Variants in FOCAD observed in about 807,000 individuals in gnomAD.
The protein encoded by FOCAD is focadhesin.
A neutral mutation model predicts 225.6 loss-of-function variants in FOCAD; 198 were observed. That is an observed-to-expected ratio of 0.88 (90% CI 0.78 to 0.99). The LOEUF (loss-of-function observed/expected upper bound fraction) is 0.99. Ranked by LOEUF, FOCAD falls within the 50% of genes least tolerant of loss-of-function variation. The probability of loss-of-function intolerance (pLI) is 0.00; values close to 1 mark genes in which losing one functional copy is unlikely to be tolerated. For synonymous variants in FOCAD, 897 were observed against 755.0 expected (o/e 1.19, Z -3.08); for missense variants, 2,713 against 2,123.6 (o/e 1.28, Z -5.46).
At chr9:20,893,528 G>C (rs1267592272) in intron 21 of FOCAD, among the ~76,000 whole-genome samples, 3 of 152,030 alleles carry the variant, frequency 2.0e-5, no homozygotes, top group Non-Finnish European at 4.4e-5. Context: ...TGTACTGTTT[G>C]TGTTGTTATT....
At position 20,778,890 on chromosome 9, in the gene FOCAD, T is replaced by G. The variant is rs375480321; in HGVS notation, c.994+122T>G. 283 of 503,254 alleles carry G rather than the reference T, an allele frequency of 5.6e-4. 10 individuals carry two copies. The South Asian group carries it at 0.012, about 21-fold the overall frequency. 31.2% of individuals were successfully genotyped at this position (503,254 alleles called of 1,614,324 possible). ...GAGTTTCCATCTGTAATTTTTAAAA[T>G]TATTAAATAGAATTTTTTTTCTTGT... On this transcript the variant is annotated intron_variant, in intron 9 of 43. Coordinates refer to ENST00000338382, the MANE Select transcript of FOCAD (RefSeq NM_001375567.1).
At chr9:20,840,145 C>G (rs1826374612) in intron 15 of FOCAD, among the ~76,000 whole-genome samples, 2 of 151,990 alleles carry the variant, frequency 1.3e-5, no homozygotes, top group African/African-American at 4.8e-5. Context: ...TATTCTGGGT[C>G]TTTCATGGTT....
intron 15 of FOCAD, among the ~76,000 whole-genome samples, chr9:20,858,109 A>C (rs1174532971): frequency 6.6e-6 from 1 of 152,040 alleles, no homozygotes; most frequent in Non-Finnish European, 1.5e-5. Context: ...GCCTCATAGA[A>C]TGAATTTGGA....
chr9:20,707,599 A>G (rs1170719232), intron 1 of FOCAD, among the ~76,000 whole-genome samples: 1 of 152,200 alleles, frequency 6.6e-6, no homozygotes, highest in Non-Finnish European at 1.5e-5. Flanking sequence ...AAATTAAGAA[A>G]ATCATAAAGA....
At chr9:20,909,396 C>G (rs977449284) in intron 22 of FOCAD, among the ~76,000 whole-genome samples, 2 of 152,036 alleles carry the variant, frequency 1.3e-5, no homozygotes, top group African/African-American at 4.8e-5. Context: ...GCGTTTTCCA[C>G]TGTGACATGT....
At chr9:20,933,619 A>G (rs1835690808) in intron 28 of FOCAD, among the ~76,000 whole-genome samples, 1 of 151,806 alleles carries the variant, frequency 6.6e-6, no homozygotes, top group Admixed American at 6.6e-5. Context: ...TCATTGATTG[A>G]TGGGTATTTG....
intron 15 of FOCAD, among the ~76,000 whole-genome samples, chr9:20,829,498 A>G (rs920198469): frequency 2.0e-5 from 3 of 152,054 alleles, no homozygotes; most frequent in Admixed American, 6.6e-5. Context: ...CCCGATGACT[A>G]ATATTGAGCA....
At chr9:20,770,280 A>C in intron 8 of FOCAD, 42 bp downstream of exon 8, 1 of 1,518,610 alleles carries the variant, frequency 6.6e-7, no homozygotes. Context: ...CATTGCTATT[A>C]AGAAATACCT....
At chr9:20,680,001 A>G (rs1167951923), upstream of FOCAD, among the ~76,000 whole-genome samples, 4 of 152,278 alleles carry the variant, frequency 2.6e-5, no homozygotes, top group East Asian at 7.7e-4. Flanking sequence ...GAGAGCTACA[A>G]ACATCTGCAT....
At chr9:20,781,487 A>G (rs890076363) in intron 9 of FOCAD, among the ~76,000 whole-genome samples, 5 of 137,328 alleles carry the variant, frequency 3.6e-5, no homozygotes, top group Admixed American at 1.4e-4. Context: ...AAAAATTCAT[A>G]TTAACCTAAA....
chr9:20,882,298 A>T (rs1015535185), intron 20 of FOCAD, among the ~76,000 whole-genome samples: 4 of 152,204 alleles, frequency 2.6e-5, no homozygotes, highest in Admixed American at 6.5e-5. Context: ...ACCTTGGGGG[A>T]TACCCACTCA....
intron 39 of FOCAD, 22 bp from the exon 40 acceptor site, chr9:20,986,266 A>ATTTTTGTTTTTTTT: frequency 1.4e-6 from 1 of 705,686 alleles, no homozygotes; most frequent in Non-Finnish European, 1.8e-6. Flanking sequence ...TAACTAAACA[A>ATTTTTGTTTTTTTT]TTTTTTTTTT....
chr9:20,775,217 A>G (rs1818636977), intron 8 of FOCAD, among the ~76,000 whole-genome samples: 1 of 152,168 alleles, frequency 6.6e-6, no homozygotes, highest in South Asian at 2.1e-4. Context: ...TAGTTGAGCC[A>G]TTTTTAGCCT....
chr9:20,859,243 G>A (rs7040886), intron 15 of FOCAD, among the ~76,000 whole-genome samples: 1,923 of 152,110 alleles, frequency 0.013, 46 homozygotes, highest in African/African-American at 0.044. Flanking sequence ...TTATCTGGGT[G>A]TGGTGGTGCA....
chr9:20,993,188 A>G, intron 42 of FOCAD, 65 bp from the exon 43 acceptor site: 1 of 1,338,084 alleles, frequency 7.5e-7, no homozygotes, highest in African/African-American at 1.4e-5. Context: ...GGTCCAAGGG[A>G]ATAACTGTTC....
At chr9:20,989,573 A>G (rs1026638089) in intron 41 of FOCAD, among the ~76,000 whole-genome samples, 3 of 152,190 alleles carry the variant, frequency 2.0e-5, no homozygotes, top group Non-Finnish European at 2.9e-5. Flanking sequence ...AGTCCCAGCC[A>G]CTTGGGAGGC....
intron 2 of FOCAD, among the ~76,000 whole-genome samples, chr9:20,669,541 G>A (rs1000497908): frequency 6.6e-5 from 10 of 152,174 alleles, no homozygotes; most frequent in Non-Finnish European, 1.3e-4. Flanking sequence ...TTGGGAGGCC[G>A]AGGCGGGCAG....
chr9:20,737,877 C>G (rs1278029099), intron 4 of FOCAD, among the ~76,000 whole-genome samples: 1 of 152,150 alleles, frequency 6.6e-6, no homozygotes, highest in Non-Finnish European at 1.5e-5. Context: ...GAACTCTACC[C>G]TGTGACTTAG....
chr9:20,957,686 T>TTTTATTTA (rs1838324407), intron 35 of FOCAD: 1 of 140,514 alleles, frequency 7.1e-6, no homozygotes, highest in African/African-American at 2.6e-5. Context: ...TTTTTTTTTT[T>TTTTATTTA]TTTTTTTTTT....
Sources: allele counts gnomAD v4.1 joint callset (sites outside exome capture counted in the v4.1 genomes callset), GRCh38; gene constraint gnomAD v4.1.1; transcripts MANE v1.5; gene names NCBI Gene and HGNC (gene_info 2026-07-23, HGNC 2026-07-21).